Variants in BABAM2 observed in about 807,000 individuals in gnomAD.
BABAM2 encodes BRISC and BRCA1-A complex member 2.
In BABAM2, 31 loss-of-function variants were observed where a neutral mutation model predicts 54.7. That is an observed-to-expected ratio of 0.57 (90% CI 0.43 to 0.77). BABAM2 has a LOEUF of 0.77. BABAM2 is among the 30% of genes least tolerant of loss of function. The pLI is 0.00. For synonymous variants in BABAM2, 167 were observed against 162.9 expected (o/e 1.03, Z -0.19); for missense variants, 364 against 455.8 (o/e 0.80, Z 1.83).
intron 7 of BABAM2, among the ~76,000 whole-genome samples, chr2:28,135,748 C>T (rs776010881): frequency 1.3e-5 from 2 of 152,120 alleles, no homozygotes; most frequent in Non-Finnish European, 2.9e-5. Flanking sequence ...TACCTCATGC[C>T]CCTATTAGCC....
At chr2:28,323,057 G>C (rs1690157485) in intron 11 of BABAM2, among the ~76,000 whole-genome samples, 3 of 152,152 alleles carry the variant, frequency 2.0e-5, no homozygotes, top group Non-Finnish European at 1.5e-5. Context: ...TGTGAAAGCA[G>C]AGCCCCCCAC....
intron 4 of BABAM2, among the ~76,000 whole-genome samples, chr2:28,018,887 G>A (rs770732993): frequency 1.3e-5 from 2 of 152,080 alleles, no homozygotes; most frequent in African/African-American, 4.8e-5. Context: ...GGACGTGCAG[G>A]TTTGTTATAT....
At chr2:28,164,519 A>G (rs1338231235) in intron 7 of BABAM2, among the ~76,000 whole-genome samples, 1 of 143,294 alleles carries the variant, frequency 7.0e-6, no homozygotes, top group Non-Finnish European at 1.5e-5. Context: ...TCCTTCTTGG[A>G]GTTTGTCCAA....
chr2:28,197,038 G>T (rs1471777427), intron 7 of BABAM2, among the ~76,000 whole-genome samples: 1 of 151,384 alleles, frequency 6.6e-6, no homozygotes, highest in Admixed American at 6.6e-5. Context: ...ATAGAGATGG[G>T]ATCTCGCTAT....
At chr2:28,110,891 ATCC>A (rs1667948144) in intron 6 of BABAM2, among the ~76,000 whole-genome samples, 1 of 151,912 alleles carries the variant, frequency 6.6e-6, no homozygotes, top group Non-Finnish European at 1.5e-5. Context: ...GATAGTAGCC[ATCC>A]TAATGGATTT....
chr2:28,276,019 AAAG>A (rs929045530), intron 10 of BABAM2, among the ~76,000 whole-genome samples: 5 of 151,244 alleles, frequency 3.3e-5, no homozygotes, highest in African/African-American at 1.2e-4. Flanking sequence ...AAAAAAAAAA[AAAG>A]AAAGAAAGAA....
chr2:28,102,329 G>C (rs1207716804), intron 6 of BABAM2, among the ~76,000 whole-genome samples: 1 of 152,080 alleles, frequency 6.6e-6, no homozygotes, highest in Non-Finnish European at 1.5e-5. Context: ...AAAAATCCTT[G>C]GTTACTCCAC....
intron 6 of BABAM2, among the ~76,000 whole-genome samples, chr2:28,102,281 G>A (rs1214804331): frequency 6.6e-6 from 1 of 152,124 alleles, no homozygotes; most frequent in Non-Finnish European, 1.5e-5. Flanking sequence ...AGAAAGAATT[G>A]GTTTCAGCTG....
At position 28,317,176 on chromosome 2, in the gene BABAM2, C is replaced by T. The variant is rs375217065; in HGVS notation, c.1088+18685C>T. 5.0e-4 allele frequency among the ~76,000 whole-genome samples: 76 copies of T among 152,290 alleles called. 1 individual carries two copies. Among genetic ancestry groups the T allele is most frequent in the African/African-American group, 1.8e-3 (74 of 41,554 alleles). On this transcript the variant is annotated intron_variant, in intron 11 of 11. Transcript: ENST00000379624. ...CTTTCTCTACCAGCCGGCTCATGGC[C>T]GTCCCCATTAGTGCCTCCTCACTGC...
intron 7 of BABAM2, among the ~76,000 whole-genome samples, chr2:28,159,119 T>C (rs1672814008): frequency 6.6e-6 from 1 of 152,242 alleles, no homozygotes; most frequent in African/African-American, 2.4e-5. Flanking sequence ...TGTTTGTTTC[T>C]AAAGAACTAG....
upstream of BABAM2, among the ~76,000 whole-genome samples, chr2:27,888,850 C>T (rs1034991091): frequency 6.6e-6 from 1 of 152,128 alleles, no homozygotes; most frequent in Non-Finnish European, 1.5e-5. Flanking sequence ...TACTATCTGG[C>T]CCTTTACAGA....
At chr2:27,922,012 T>G (rs1471415382) in intron 2 of BABAM2, among the ~76,000 whole-genome samples, 2 of 152,128 alleles carry the variant, frequency 1.3e-5, no homozygotes, top group Non-Finnish European at 2.9e-5. Context: ...CCTACATAGT[T>G]GTTGGAGTGT....
intron 4 of BABAM2, among the ~76,000 whole-genome samples, chr2:28,002,978 C>A (rs1673682769): frequency 6.6e-6 from 1 of 151,934 alleles, no homozygotes; most frequent in Non-Finnish European, 1.5e-5. Context: ...ATAAAGGGAG[C>A]CAGTAGCTAA....
At chr2:27,945,984 T>A (rs1669269615) in intron 3 of BABAM2, among the ~76,000 whole-genome samples, 1 of 152,158 alleles carries the variant, frequency 6.6e-6, no homozygotes, top group South Asian at 2.1e-4. Flanking sequence ...TTTTGTATCT[T>A]CCTTTCCAAT....
At chr2:27,946,785 C>T (rs1255939097) in intron 3 of BABAM2, among the ~76,000 whole-genome samples, 1 of 152,084 alleles carries the variant, frequency 6.6e-6, no homozygotes, top group Non-Finnish European at 1.5e-5. Flanking sequence ...AGATATAGGG[C>T]TAACAGGTTT....
At chr2:28,257,258 G>T (rs1200437511) in intron 10 of BABAM2, among the ~76,000 whole-genome samples, 1 of 151,874 alleles carries the variant, frequency 6.6e-6, no homozygotes, top group Non-Finnish European at 1.5e-5. Flanking sequence ...TTAAATTTTG[G>T]CAACCACATA....
chr2:27,894,963 G>A (rs1665173484), intron 2 of BABAM2: 2 of 350,938 alleles, frequency 5.7e-6, no homozygotes, highest in South Asian at 9.9e-5. Flanking sequence ...TTTTAAAAGT[G>A]TGTTTTTCAT....
At chr2:28,092,366 G>C (rs982647619) in intron 6 of BABAM2, among the ~76,000 whole-genome samples, 7 of 152,128 alleles carry the variant, frequency 4.6e-5, no homozygotes, top group African/African-American at 1.7e-4. Flanking sequence ...AATTTAGCAA[G>C]GGACAAGATA....
At chr2:28,088,740 G>A (rs947967855) in intron 6 of BABAM2, among the ~76,000 whole-genome samples, 3 of 152,198 alleles carry the variant, frequency 2.0e-5, no homozygotes, top group Non-Finnish European at 4.4e-5. Flanking sequence ...TATTGCTGAG[G>A]TTGTGAGCTG....
Sources: allele counts gnomAD v4.1 joint callset (sites outside exome capture counted in the v4.1 genomes callset), GRCh38; gene constraint gnomAD v4.1.1; transcripts MANE v1.5; gene names NCBI Gene and HGNC (gene_info 2026-07-23, HGNC 2026-07-21).